Variants in ABCA7 observed in about 807,000 individuals in gnomAD.
The protein encoded by ABCA7 is phospholipid-transporting ATPase ABCA7.
A neutral mutation model predicts 227.6 loss-of-function variants in ABCA7; 261 were observed. That is an observed-to-expected ratio of 1.15 (90% CI 1.04 to 1.27). The LOEUF is 1.27. Among genes scored for constraint, ABCA7 ranks in the 50% most tolerant of loss-of-function variants. The pLI is 0.00. For synonymous variants in ABCA7, 1,488 were observed against 1,279.7 expected, an observed-to-expected ratio of 1.16 and a Z score of -3.47; for missense variants, 3,331 against 2,924.5, an observed-to-expected ratio of 1.14 and a Z score of -3.21.
In ABCA7 at chr19:1,044,712, C is replaced by T. The variant is rs1382610789; in HGVS notation, c.1183C>T (p.His395Tyr). 14 of 1,610,838 alleles carry T rather than the reference C, an allele frequency of 8.7e-6. No homozygotes were observed. The highest frequency in any genetic ancestry group is 9.3e-6 in the Non-Finnish European group (11 of 1,179,718). The change falls in exon 11 of 47, where the codon CAC (histidine) becomes TAC (tyrosine). Residue 395 changes from histidine to tyrosine, a missense_variant. Coordinates refer to ENST00000263094, the MANE Select transcript of ABCA7 (RefSeq NM_019112.4). ...GCAGGACGCACACGCTGATGTGGGG[C>T]ACCTGGTGGGCACGCTGGGCCGAGT... ...SWQDAHADVG[H>Y]LVGTLGRVTE...
At chr19:1,057,847 A>G in intron 35 of ABCA7, 68 bp from the exon 36 acceptor site, 2 of 1,562,648 alleles carry the variant, frequency 1.3e-6, no homozygotes, top group South Asian at 2.3e-5. Context: ...ATGGGAATGG[A>G]GATTTTTATT....
intron 35 of ABCA7, 42 bp from the exon 36 acceptor site, chr19:1,057,873 C>T (rs1275869484): frequency 6.2e-7 from 1 of 1,609,616 alleles, no homozygotes; most frequent in East Asian, 2.2e-5. Context: ...CAGGGCTTCT[C>T]AGTCTGAGTG....
intron 22 of ABCA7, 29 bp downstream of exon 22, chr19:1,052,155 A>T (rs750842008): frequency 6.3e-7 from 1 of 1,599,396 alleles, no homozygotes; most frequent in Non-Finnish European, 8.5e-7. Flanking sequence ...CTGACCCCTG[A>T]CCCCCGGGAC....
At position 1,052,295 on chromosome 19, in the gene ABCA7, C is replaced by CGG; in HGVS notation, c.3220+12_3220+13dup. On this transcript the variant is annotated intron_variant, in intron 23 of 46. Coordinates refer to ENST00000263094, the MANE Select transcript of ABCA7 (RefSeq NM_019112.4). Reference sequence around the variant, plus strand: ...CCAGGGCAGCAGAGTCGGTGAGGGCCGGGGTGGGAGACCCAAGGCGGGTGG... The same window carrying CGG: ...CCAGGGCAGCAGAGTCGGTGAGGGCCGGGGGGTGGGAGACCCAAGGCGGGTGG... 1 of 1,253,748 alleles carries CGG rather than the reference C, an allele frequency of 8.0e-7. No individual in the cohort carries two copies. Among genetic ancestry groups the CGG allele is most frequent in the East Asian group, 5.5e-5 (1 of 18,116 alleles). 77.7% of individuals were successfully genotyped at this position (1,253,748 alleles called of 1,614,324 possible).
rs928640181 is a variant in ABCA7, at chr19:1,044,924, G to C, written c.1216-78G>C. ...CGAGGGGAAAACATGGCCCAGCCCCGAGGTCCAGGGGGAGGAGCGGAGTGG... is the reference window on the plus strand; with the variant it reads ...CGAGGGGAAAACATGGCCCAGCCCCCAGGTCCAGGGGGAGGAGCGGAGTGG... On this transcript the variant is annotated intron_variant, in intron 11 of 46. Coordinates refer to ENST00000263094, the MANE Select transcript of ABCA7 (RefSeq NM_019112.4). The C allele has an allele frequency of 2.6e-6, 4 of 1,548,398 alleles. No individual in the cohort carries two copies. In the African/African-American group the frequency reaches 5.5e-5, roughly 21 times the overall value.
chr19:1,055,066 C>T (rs764632942), intron 29 of ABCA7, 31 bp from the exon 30 acceptor site: 3 of 1,593,828 alleles, frequency 1.9e-6, no homozygotes. Flanking sequence ...CCCTGCAGCG[C>T]CCTTGAGTGT....
At chr19:1,046,714 C>G in intron 13 of ABCA7, 88 bp from the exon 14 acceptor site, 7 of 1,361,490 alleles carry the variant, frequency 5.1e-6, no homozygotes, top group Non-Finnish European at 7.0e-6. Flanking sequence ...CTTGAGATCC[C>G]GGGACACGAA....
In ABCA7 at chr19:1,042,300, G is replaced by A; in HGVS notation, c.416-15G>A. On this transcript the variant is annotated splice_polypyrimidine_tract_variant and intron_variant, in intron 5 of 46. Coordinates refer to ENST00000263094, the MANE Select transcript of ABCA7 (RefSeq NM_019112.4). ...CGTCCCCCCAGCCCCATGCTCCCGT[G>A]CGCTCCTCCCCCAGCCCAGCCTCAA... 1 of 1,575,080 alleles carries A rather than the reference G, an allele frequency of 6.3e-7. No homozygotes were observed. Among genetic ancestry groups the A allele is most frequent in the Non-Finnish European group, 8.7e-7 (1 of 1,154,786 alleles).
intron 17 of ABCA7, 55 bp from the exon 18 acceptor site, chr19:1,049,211 T>A: frequency 6.5e-7 from 1 of 1,533,912 alleles, no homozygotes; most frequent in Non-Finnish European, 8.8e-7. Flanking sequence ...CTGAGGGACT[T>A]GCAGGCCCCA....
At position 1,053,521 on chromosome 19, in the gene ABCA7, G is replaced by C. The variant is rs1184447359; in HGVS notation, c.3413G>C (p.Ser1138Thr). Residue 1138 changes from serine (S) to threonine (T), a missense_variant, in exon 24 of 47, where the codon AGC (serine) becomes ACC (threonine). By Grantham distance (58) the Ser-to-Thr change is moderately conservative. Coordinates refer to ENST00000263094, the MANE Select transcript of ABCA7 (RefSeq NM_019112.4). The stretch of plus-strand genomic sequence containing the variant: ...ACTGGCTACGGGATCTCCGACACCA[G>C]CCTCGAGGAGGTGTGAGGCCTGGGT... ...RLTGYGISDT[S>T]LEEIFLKVVE... 3.2e-6 allele frequency: 5 copies of C among 1,564,958 alleles called. No homozygotes were observed. The Admixed American group carries it at 9.3e-5, about 29-fold the overall frequency.
chr19:1,055,198 G>T lies in ABCA7; in HGVS notation c.4052G>T (p.Gly1351Val), dbSNP rs2042137644. 5.0e-6 allele frequency: 8 copies of T among 1,611,268 alleles called. No homozygotes were observed. The highest frequency in any genetic ancestry group is 6.8e-6 in the Non-Finnish European group (8 of 1,179,166). ...PSPACQCSRP[G>V]ARRLLPDCPA... ...CCAGCCTGCCAGTGTAGCCGGCCCG[G>T]TGCCCGGCGCCTGCTGCCCGACTGC... is the stretch of plus-strand genomic sequence containing the variant. Residue 1351 changes from glycine (G) to valine (V), a missense_variant, in exon 30 of 47, where the codon GGT becomes GTT. Transcript: ENST00000263094.
intron 24 of ABCA7, 68 bp from the exon 25 acceptor site, chr19:1,053,720 G>T: frequency 6.4e-7 from 1 of 1,556,486 alleles, no homozygotes; most frequent in East Asian, 2.3e-5. Flanking sequence ...TAGGAGGGGT[G>T]GGGGGCTCAC....
At position 1,042,769 on chromosome 19, in the gene ABCA7, C is replaced by A. The variant is rs770649703; in HGVS notation, c.522C>A (p.Gly174=). 1.7e-5 allele frequency: 27 copies of A among 1,613,452 alleles called. 1 individual carries two copies. The East Asian group carries it at 5.3e-4, about 32-fold the overall frequency. ...LRTESLGLAL[G]QAQEPLHSLL... ...AGGAATCCCTGGGGTTGGCACTGGG[C>A]CAAGCCCAGGAGCCCTTGCACAGCT... The change falls in exon 7 of 47, where the codon GGC becomes GGA. Residue 174 remains glycine (G), a synonymous_variant. Transcript: ENST00000263094.
Position 1,054,777 on chromosome 19 carries a change from CAGTG to C in ABCA7, c.3852_3855del (p.Ser1284ArgfsTer88), listed in dbSNP as rs767926500. The C allele has an allele frequency of 1.9e-6, 3 of 1,604,452 alleles. No individual in the cohort carries two copies. The African/African-American group carries it at 4.0e-5, about 21-fold the overall frequency. ...CTGACCCTACATCTCCCCTCACACA[CAGTG>C]AGGACGCCCCAGGGGACCCTGGACG... On this transcript the variant is annotated splice_acceptor_variant and coding_sequence_variant, in exon 29 of 47. Transcript: ENST00000263094. LOFTEE classifies it high-confidence loss of function. The surrounding 1 kb of genome is among the most constrained non-coding windows in gnomAD (Gnocchi z 4.8).
In ABCA7 at chr19:1,063,464, A is replaced by G. The variant is rs113062435; in HGVS notation, c.5713-80A>G. On this transcript the variant is annotated intron_variant, in intron 42 of 46. Transcript: ENST00000263094. Reference sequence around the variant, plus strand: ...CCATTATGCCCCTGCTCCACACTCAATGCTGGCCCCGCCACACTGTGGCCC... The same window carrying G: ...CCATTATGCCCCTGCTCCACACTCAGTGCTGGCCCCGCCACACTGTGGCCC... 2.9e-3 allele frequency: 4,505 copies of G among 1,538,588 alleles called. 115 individuals are homozygous for G. The African/African-American group carries it at 0.056, about 19-fold the overall frequency.
Position 1,047,570 on chromosome 19 carries a change from A to C in ABCA7, c.2185A>C (p.Ser729Arg). 1 of 1,603,102 alleles carries C rather than the reference A, an allele frequency of 6.2e-7. No individual in the cohort carries two copies. Among genetic ancestry groups the C allele is most frequent in the Non-Finnish European group, 8.5e-7 (1 of 1,179,224 alleles). Residue 729 changes from serine (S) to arginine (R), a missense_variant, in exon 16 of 47, where the codon AGC becomes CGC. Ser to Arg is a moderately radical substitution (Grantham distance 110). Transcript: ENST00000263094. ...VGTRPTADVF[S>R]LAQVSGLLLL... Reference sequence around the variant, plus strand: ...CACCCGGCCTACGGCAGACGTCTTCAGCCTGGCCCAGGTCTCTGGCCTTCT... The same window carrying C: ...CACCCGGCCTACGGCAGACGTCTTCCGCCTGGCCCAGGTCTCTGGCCTTCT...
At chr19:1,057,836 G>T (rs2042388195) in intron 35 of ABCA7, 79 bp from the exon 36 acceptor site, 6 of 1,529,886 alleles carry the variant, frequency 3.9e-6, no homozygotes, top group South Asian at 2.4e-5. Context: ...AGGCAGAGAA[G>T]ATGGGAATGG....
At chr19:1,055,807 T>C (rs1025825011) in intron 30 of ABCA7, 100 bp from the exon 31 acceptor site, 5 of 1,290,328 alleles carry the variant, frequency 3.9e-6, no homozygotes, top group Admixed American at 5.1e-5. Flanking sequence ...CGGCTTTCTT[T>C]CCTGTTTTTG....
Position 1,044,647 on chromosome 19 carries a change from T to G in ABCA7, c.1118T>G (p.Leu373Arg), listed in dbSNP as rs746179458. 2 of 1,613,202 alleles carry G rather than the reference T, an allele frequency of 1.2e-6. No individual in the cohort carries two copies. The highest frequency in any genetic ancestry group is 1.7e-6 in the Non-Finnish European group (2 of 1,179,956). ...GGAGGCCGGGACCACATGGAGGCCCTGCGATCCTTTCTGGACCCTGGGAGC... is the reference window on the plus strand; with the variant it reads ...GGAGGCCGGGACCACATGGAGGCCCGGCGATCCTTTCTGGACCCTGGGAGC... ...RPGGRDHMEALRSFLDPGSGG... is the reference protein window; with the variant it reads ...RPGGRDHMEARRSFLDPGSGG... Residue 373 changes from leucine to arginine, a missense_variant, in exon 11 of 47, where the codon CTG (leucine) becomes CGG (arginine). Transcript: ENST00000263094.
Sources: gnomAD v4.1 joint callset for allele counts on GRCh38, gnomAD v4.1.1 for gene constraint, Gnocchi (gnomAD v3.1) non-coding constraint, MANE v1.5 for transcripts, NCBI Gene and HGNC (gene_info 2026-07-23, HGNC 2026-07-21) for gene names.